The following TFPT variants were observed in gnomAD, a reference collection of about 807,000 sequenced individuals.
The protein encoded by TFPT is TCF3 fusion partner.
Under a neutral mutation model 28.8 loss-of-function variants are expected in TFPT, and 27 were observed. The observed-to-expected ratio is 0.94, with a 90% CI of 0.69 to 1.29. The LOEUF (loss-of-function observed/expected upper bound fraction) is 1.29. TFPT is among the 50% of genes most tolerant of loss of function. TFPT has a pLI of 0.00. For synonymous variants in TFPT, 152 were observed against 142.8 expected (o/e 1.06, Z -0.46); for missense variants, 330 against 338.0 (o/e 0.98, Z 0.19).
At position 54,115,549 on chromosome 19, in the gene TFPT, C is replaced by T; in HGVS notation, c.-280G>A. 1 of 581,400 alleles carries T rather than the reference C, an allele frequency of 1.7e-6. No homozygotes were observed. The allele number at this position is 581,400 out of a possible 1,614,324, so 36.0% of individuals were successfully genotyped here. A position where few individuals can be genotyped will look rare whatever the true frequency, so the allele number is the denominator to read the frequency against. ...CTTTCTTCTTGTCTCGACGCCCCGTCGTCCGGCCACAGCGATTCTCTGCTT... is the reference window on the plus strand; with the variant it reads ...CTTTCTTCTTGTCTCGACGCCCCGTTGTCCGGCCACAGCGATTCTCTGCTT... On this transcript the variant is annotated 5_prime_UTR_variant, in exon 1 of 6. Transcript: ENST00000391759.
rs755146722 is a variant in TFPT at position 54,107,162 on chromosome 19, A to G, written c.650T>C (p.Val217Ala). The change falls in exon 6 of 6, where the codon GTT (valine) becomes GCT (alanine). Residue 217 changes from valine to alanine, a missense_variant. Coordinates refer to ENST00000391759, the MANE Select transcript of TFPT (RefSeq NM_013342.4). ...TPELAPVQIKVEEDFGFEADE... is the reference protein window; with the variant it reads ...TPELAPVQIKAEEDFGFEADE... ...TGCTTCAAAGCCAAAGTCTTCCTCA[A>G]CCTTAATCTGCAGGAGATAAGGAAC... is the stretch of plus-strand genomic sequence containing the variant. 6.2e-7 allele frequency: 1 copy of G among 1,613,370 alleles called. No individual in the cohort carries two copies. The highest frequency in any genetic ancestry group is 1.1e-5 in the South Asian group (1 of 91,054).
rs747723515 is a variant in TFPT, at chr19:54,108,088, G to A, written c.580C>T (p.Arg194Ter). The A allele has an allele frequency of 3.8e-6, 6 of 1,563,084 alleles. No homozygotes were observed. Among genetic ancestry groups the A allele is most frequent in the Middle Eastern group, 3.5e-4 (2 of 5,788 alleles). The change falls in exon 5 of 6, where the codon CGA becomes TGA. Residue 194 changes from arginine to a stop codon, truncating the protein, a stop_gained. Coordinates refer to ENST00000391759, the MANE Select transcript of TFPT (RefSeq NM_013342.4). LOFTEE classifies it high-confidence loss of function. ...GCTCGGCGTCCATCCCGTGGCACTC[G>A]CCGCCTCTTCCGCCCACTGGGCCCC... ...GEGPSGRKRR[R>*]VPRDGRRAGN...
intron 2 of TFPT, among the ~76,000 whole-genome samples, chr19:54,111,631 G>T (rs796186132): frequency 6.9e-6 from 1 of 144,928 alleles, no homozygotes; most frequent in Non-Finnish European, 1.5e-5. Flanking sequence ...AGTGAGCCGA[G>T]ATCACACCAC....
Position 54,114,661 on chromosome 19 carries a change from C to T in TFPT, c.63G>A (p.Pro21=). The change falls in exon 2 of 6, where the codon CCG becomes CCA. Residue 21 remains proline (P), a synonymous_variant. Coordinates refer to ENST00000391759, the MANE Select transcript of TFPT (RefSeq NM_013342.4). ...AAVGFEEFSA[P]PGSELALPPL... is the part of the protein sequence containing the mutation. Reference sequence around the variant, plus strand: ...GAGGCAACGCCAACTCTGAGCCTGGCGGCGCTGAGAACTCCTCAAAGCCCA... The same window carrying T: ...GAGGCAACGCCAACTCTGAGCCTGGTGGCGCTGAGAACTCCTCAAAGCCCA... 1 of 1,613,898 alleles carries T rather than the reference C, an allele frequency of 6.2e-7. No homozygotes were observed. The highest frequency in any genetic ancestry group is 8.5e-7 in the Non-Finnish European group (1 of 1,180,038).
intron 2 of TFPT, among the ~76,000 whole-genome samples, 174 bp from the exon 3 acceptor site, chr19:54,110,295 G>T (rs2073417393): frequency 6.6e-6 from 1 of 152,064 alleles, no homozygotes; most frequent in Non-Finnish European, 1.5e-5. Flanking sequence ...CCACAGTCCT[G>T]AGTGCCCTCC....
intron 2 of TFPT, 87 bp downstream of exon 2, chr19:54,114,355 A>T: frequency 2.0e-6 from 3 of 1,522,638 alleles, no homozygotes; most frequent in Non-Finnish European, 1.8e-6. Flanking sequence ...AAGCCAAGAA[A>T]GGCTGGGCAT....
At chr19:54,115,104 T>A in intron 1 of TFPT, 143 bp downstream of exon 1, 1 of 1,278,740 alleles carries the variant, frequency 7.8e-7, no homozygotes, top group South Asian at 1.3e-5. Context: ...ATGACCCCAG[T>A]CCATAAAAGG....
intron 2 of TFPT, among the ~76,000 whole-genome samples, chr19:54,111,340 C>G (rs1382980086): frequency 1.3e-5 from 2 of 150,438 alleles, no homozygotes; most frequent in Non-Finnish European, 3.0e-5. Flanking sequence ...GTCAGGAGTT[C>G]AAGACCAGCC....
chr19:54,107,276 TCTCA>T, intron 5 of TFPT, 107 bp from the exon 6 acceptor site: 2 of 1,471,138 alleles, frequency 1.4e-6, no homozygotes, highest in Non-Finnish European at 1.8e-6. Context: ...AGAGACAGGG[TCTCA>T]CTCTGTTGCC....
chr19:54,107,303 C>T (rs2073298196), intron 5 of TFPT, 134 bp from the exon 6 acceptor site: 4 of 1,204,208 alleles, frequency 3.3e-6, no homozygotes, highest in South Asian at 2.9e-5. Context: ...GGCTGGAGTG[C>T]AGTGGTGCCA....
rs376999253 is a variant in TFPT at position 54,114,670 on chromosome 19, G to C, written c.54C>G (p.Phe18Leu). Residue 18 changes from phenylalanine (F) to leucine (L), a missense_variant, in exon 2 of 6, where the codon TTC becomes TTG. Physicochemically the swap from Phe to Leu is conservative, Grantham distance 22. Coordinates refer to ENST00000391759, the MANE Select transcript of TFPT (RefSeq NM_013342.4). ...CCAACTCTGAGCCTGGCGGCGCTGAGAACTCCTCAAAGCCCACGGCTGCCA... is the reference window on the plus strand; with the variant it reads ...CCAACTCTGAGCCTGGCGGCGCTGACAACTCCTCAAAGCCCACGGCTGCCA... The part of the protein sequence containing the change: ...GTMAAVGFEE[F>L]SAPPGSELAL... 1 of 1,613,798 alleles carries C rather than the reference G, an allele frequency of 6.2e-7. No homozygotes were observed. The highest frequency in any genetic ancestry group is 8.5e-7 in the Non-Finnish European group (1 of 1,180,024).
Position 54,108,049 on chromosome 19 carries a change from T to G in TFPT, c.619A>C (p.Thr207Pro), listed in dbSNP as rs766098166. The change falls in exon 5 of 6, where the codon ACT becomes CCT. Residue 207 changes from threonine to proline, a missense_variant. Thr to Pro is a conservative substitution (Grantham distance 38). Transcript: ENST00000391759. ...ACCTGCACCGGGGCCAGCTCTGGAG[T>G]CAGCGCATTTCCTGCTCGGCGTCCA... ...RDGRRAGNAL[T>P]PELAPVQIKV... 7 of 1,530,486 alleles carry G rather than the reference T, an allele frequency of 4.6e-6. No homozygotes were observed. In the East Asian group the frequency reaches 1.4e-4, roughly 30 times the overall value. 94.8% of individuals were successfully genotyped at this position (1,530,486 alleles called of 1,614,324 possible).
At chr19:54,110,701 C>G (rs375016332) in intron 2 of TFPT, among the ~76,000 whole-genome samples, 1 of 147,888 alleles carries the variant, frequency 6.8e-6, no homozygotes, top group Non-Finnish European at 1.5e-5. Flanking sequence ...GGTTCTGTTT[C>G]AAAAAAAAAA....
At chr19:54,111,292 C>G (rs1204647059) in intron 2 of TFPT, among the ~76,000 whole-genome samples, 2 of 152,102 alleles carry the variant, frequency 1.3e-5, no homozygotes, top group Admixed American at 1.3e-4. Flanking sequence ...CCTGTAATCC[C>G]AGCACTTTGG....
intron 3 of TFPT, chr19:54,108,810 C>T (rs1426953412): frequency 7.5e-6 from 4 of 531,698 alleles, no homozygotes; most frequent in African/African-American, 3.8e-5. Context: ...TAAACACCCC[C>T]TTCTCTTTTT....
rs1249173239 is a variant in TFPT, at chr19:54,110,220, C to G, written c.283-99G>C. ...CACGCACTAAACTCTGGAGACTGGC[C>G]AAAGACCATCCCGTGGCCTGAGGTC... On this transcript the variant is annotated intron_variant, in intron 2 of 5. Transcript: ENST00000391759. The G allele has an allele frequency of 6.2e-6, 8 of 1,294,972 alleles. No individual in the cohort carries two copies. The African/African-American group carries it at 1.2e-4, about 19-fold the overall frequency. The allele number at this position is 1,294,972 out of a possible 1,614,324, so 80.2% of individuals were successfully genotyped here.
rs777126350 is a variant in TFPT, at chr19:54,108,335, A to C, written c.414T>G (p.Ile138Met). Residue 138 changes from isoleucine (I) to methionine (M), a missense_variant, in exon 4 of 6, where the codon ATT becomes ATG. Ile to Met is a conservative substitution (Grantham distance 10). Coordinates refer to ENST00000391759, the MANE Select transcript of TFPT (RefSeq NM_013342.4). Reference sequence around the variant, plus strand: ...GAGGCCCAACACTCACCTCCAGCACAATGGTGAACTGGCTGGCCCGGTAGT... The same window carrying C: ...GAGGCCCAACACTCACCTCCAGCACCATGGTGAACTGGCTGGCCCGGTAGT... The part of the protein sequence containing the change: ...GDDYRASQFT[I>M]VLEDEGSQGT... The C allele has an allele frequency of 8.7e-6, 14 of 1,606,556 alleles. No individual in the cohort carries two copies. The South Asian group carries it at 1.6e-4, about 18-fold the overall frequency.
chr19:54,107,281 C>T lies in TFPT; in HGVS notation c.643-112G>A, dbSNP rs367853156. 2.1e-4 allele frequency: 308 copies of T among 1,444,406 alleles called. 2 individuals carry two copies. In the East Asian group the frequency reaches 3.1e-3, roughly 15 times the overall value. 89.5% of individuals were successfully genotyped at this position (1,444,406 alleles called of 1,614,324 possible). A position where few individuals can be genotyped will look rare whatever the true frequency, so the allele number is the denominator to read the frequency against. On this transcript the variant is annotated intron_variant, in intron 5 of 5. Transcript: ENST00000391759. Reference sequence around the variant, plus strand: ...TGCTTTTTAAAGAGACAGGGTCTCACTCTGTTGCCCAGGCTGGAGTGCAGT... The same window carrying T: ...TGCTTTTTAAAGAGACAGGGTCTCATTCTGTTGCCCAGGCTGGAGTGCAGT...
At position 54,108,211 on chromosome 19, in the gene TFPT, G is replaced by A. The variant is rs761143770; in HGVS notation, c.457C>T (p.Pro153Ser). The A allele has an allele frequency of 6.3e-7, 1 of 1,598,638 alleles. No homozygotes were observed. The highest frequency in any genetic ancestry group is 8.5e-7 in the Non-Finnish European group (1 of 1,171,488). ...GGAGGCTCATTCTCCGCATTGCCTG[G>A]GGTGGGGGCATCCGTGCCCTGGCTG... is the stretch of plus-strand genomic sequence containing the variant. ...EGSQGTDAPT[P>S]GNAENEPPEK... Residue 153 changes from proline to serine, a missense_variant, in exon 5 of 6, where the codon CCA becomes TCA. Physicochemically the swap from Pro to Ser is moderately conservative, Grantham distance 74. Transcript: ENST00000391759.
Sources: allele counts gnomAD v4.1 joint callset (sites outside exome capture counted in the v4.1 genomes callset), GRCh38; gene constraint gnomAD v4.1.1; transcripts MANE v1.5; gene names NCBI Gene and HGNC (gene_info 2026-07-23, HGNC 2026-07-21).